ZNF461: variants seen among roughly 807,000 people sequenced by gnomAD.
ZNF461 encodes the protein gonadotropin-inducible ovarian transcription factor-1.
Under a neutral mutation model 18.3 loss-of-function variants are expected in ZNF461, and 16 were observed. The ratio of observed to expected loss-of-function variants is 0.88; its 90% CI spans 0.59 to 1.33. The LOEUF (loss-of-function observed/expected upper bound fraction) is 1.33. Ranked by LOEUF, ZNF461 falls within the 40% of genes most tolerant of loss-of-function variation. ZNF461 has a pLI of 0.00. For synonymous variants in ZNF461, 179 were observed against 216.9 expected (o/e 0.83, Z 1.54); for missense variants, 595 against 669.9 (o/e 0.89, Z 1.23).
intron 4 of ZNF461, among the ~76,000 whole-genome samples, chr19:36,655,767 C>T (rs1247473981): frequency 4.6e-5 from 7 of 152,104 alleles, no homozygotes; most frequent in Admixed American, 1.3e-4. Context: ...TGAAGCTTTT[C>T]TCCAATATTT....
intron 4 of ZNF461, among the ~76,000 whole-genome samples, chr19:36,649,445 C>A (rs2037587722): frequency 6.6e-6 from 1 of 152,128 alleles, no homozygotes; most frequent in Non-Finnish European, 1.5e-5. Flanking sequence ...ATTCTCCTGC[C>A]TCAGCTTCCT....
chr19:36,639,778 C>T lies in ZNF461; in HGVS notation c.567G>A (p.Glu189=), dbSNP rs779922738. ...TLLTQEFYDR[E]KISECKKCRK... ...TACACTTTTTACATTCAGAGATTTT[C>T]TCTCTATCATAAAATTCTTGAGTGA... The change falls in exon 6 of 6, where the codon GAG becomes GAA. Residue 189 remains glutamate (E), a synonymous_variant. Transcript: ENST00000588268. 1 of 1,613,534 alleles carries T rather than the reference C, an allele frequency of 6.2e-7. No homozygotes were observed.
At chr19:36,644,018 C>T (rs368619797) in intron 4 of ZNF461, among the ~76,000 whole-genome samples, 156 bp from the exon 5 acceptor site, 4 of 152,164 alleles carry the variant, frequency 2.6e-5, no homozygotes, top group Non-Finnish European at 5.9e-5. Flanking sequence ...CTGCAACCCC[C>T]GCCTACTGGG....
intron 4 of ZNF461, among the ~76,000 whole-genome samples, chr19:36,655,409 G>T (rs2037699548): frequency 6.6e-6 from 1 of 152,086 alleles, no homozygotes; most frequent in Admixed American, 6.5e-5. Context: ...GACCAGCCTG[G>T]GCAATACAGT....
At chr19:36,662,092 C>A (rs1342628166) in intron 2 of ZNF461, among the ~76,000 whole-genome samples, 1 of 152,082 alleles carries the variant, frequency 6.6e-6, no homozygotes, top group Non-Finnish European at 1.5e-5. Flanking sequence ...TGGTATCGAA[C>A]TCCCGACCTC....
chr19:36,639,942 T>C lies in ZNF461; in HGVS notation c.403A>G (p.Ser135Gly). The C allele has an allele frequency of 6.2e-7, 1 of 1,613,914 alleles. No homozygotes were observed. The highest frequency in any genetic ancestry group is 1.1e-5 in the South Asian group (1 of 91,080). ...GCGCTGAAAATTGATCTCTCAGGAC[T>C]ATGGCTTTTAAATTCTTCCATGTTA... ...WVNMEEFKSH[S>G]PERSIFSAIW... is the part of the protein sequence containing the mutation. The change falls in exon 6 of 6, where the codon AGT becomes GGT. Residue 135 changes from serine (S) to glycine (G), a missense_variant. Coordinates refer to ENST00000588268, the MANE Select transcript of ZNF461 (RefSeq NM_153257.5).
intron 2 of ZNF461, 39 bp downstream of exon 2, chr19:36,664,659 T>C: frequency 6.8e-7 from 1 of 1,476,738 alleles, no homozygotes; most frequent in Non-Finnish European, 9.0e-7. Flanking sequence ...AAACAAAAAA[T>C]CAAGTATTGT....
chr19:36,666,383 C>T (rs1042794603), intron 1 of ZNF461, among the ~76,000 whole-genome samples: 1 of 152,020 alleles, frequency 6.6e-6, no homozygotes, highest in East Asian at 1.9e-4. Context: ...GGTGAGCCAC[C>T]GCTCCCGGCC....
At position 36,637,952 on chromosome 19, in the gene ZNF461, A is replaced by T. The variant is rs1472678932; in HGVS notation, c.*701T>A. ...GCTTTTATTAAACAAAAAATTTAGA[A>T]GATTTTAAAAAATAAATGTAATGTC... On this transcript the variant is annotated 3_prime_UTR_variant, in exon 6 of 6. Transcript: ENST00000588268. The T allele has an allele frequency of 6.2e-6, 2 of 322,990 alleles. No homozygotes were observed. Among genetic ancestry groups the T allele is most frequent in the Non-Finnish European group, 1.2e-5 (2 of 163,758 alleles). The allele number at this position is 322,990 out of a possible 1,614,324, so 20.0% of individuals were successfully genotyped here. A position where few individuals can be genotyped will look rare whatever the true frequency, so the allele number is the denominator to read the frequency against.
intron 4 of ZNF461, among the ~76,000 whole-genome samples, chr19:36,649,202 C>T (rs2037581946): frequency 6.6e-6 from 1 of 152,144 alleles, no homozygotes; most frequent in Non-Finnish European, 1.5e-5. Context: ...GGAGAAAAGG[C>T]AATCAACTAA....
chr19:36,637,945 A>T lies in ZNF461; in HGVS notation c.*708T>A, dbSNP rs2037328508. On this transcript the variant is annotated 3_prime_UTR_variant, in exon 6 of 6. Coordinates refer to ENST00000588268, the MANE Select transcript of ZNF461 (RefSeq NM_153257.5). The stretch of plus-strand genomic sequence containing the variant: ...AATGTGTGCTTTTATTAAACAAAAA[A>T]TTTAGAAGATTTTAAAAAATAAATG... 3.1e-6 allele frequency: 1 copy of T among 322,380 alleles called. No individual in the cohort carries two copies. 20.0% of individuals were successfully genotyped at this position (322,380 alleles called of 1,614,324 possible). A position where few individuals can be genotyped will look rare whatever the true frequency, so the allele number is the denominator to read the frequency against.
intron 1 of ZNF461, among the ~76,000 whole-genome samples, chr19:36,665,114 C>T (rs2145422179): frequency 6.6e-6 from 1 of 151,964 alleles, no homozygotes; most frequent in African/African-American, 2.4e-5. Context: ...TAGATTTTCA[C>T]TGAATTAAGA....
rs1349589599 is a variant in ZNF461, at chr19:36,639,570, A to G, written c.775T>C (p.Ser259Pro). The change falls in exon 6 of 6, where the codon TCA becomes CCA. Residue 259 changes from serine to proline, a missense_variant. Ser to Pro is a moderately conservative substitution (Grantham distance 74, BLOSUM62 -1). Transcript: ENST00000588268. ...KECWKAFVHC[S>P]QLKHLRIHNG... is the part of the protein sequence containing the mutation. ...TGAATTCTTAGATGTTTAAGTTGTG[A>G]GCAATGAACAAAGGCCTTCCAACAT... is the stretch of plus-strand genomic sequence containing the variant. 1 of 1,612,938 alleles carries G rather than the reference A, an allele frequency of 6.2e-7. No homozygotes were observed. Among genetic ancestry groups the G allele is most frequent in the African/African-American group, 1.3e-5 (1 of 74,904 alleles).
In ZNF461 at chr19:36,639,611, C is replaced by G; in HGVS notation, c.734G>C (p.Cys245Ser). 7.4e-6 allele frequency: 12 copies of G among 1,613,360 alleles called. No individual in the cohort carries two copies. The highest frequency in any genetic ancestry group is 8.5e-6 in the Non-Finnish European group (10 of 1,179,510). The change falls in exon 6 of 6, where the codon TGC (cysteine) becomes TCC (serine). Residue 245 changes from cysteine to serine, a missense_variant. Transcript: ENST00000588268. ...KQQTIQNGDK[C>S]NECKECWKAF... ...CTTCCAACATTCTTTACACTCATTG[C>G]ATTTGTCACCATTTTGAATTGTCTG... is the stretch of plus-strand genomic sequence containing the variant.
chr19:36,655,337 T>G lies in ZNF461; in HGVS notation c.232+1111A>C, dbSNP rs758437901. On this transcript the variant is annotated intron_variant, in intron 4 of 5. Coordinates refer to ENST00000588268, the MANE Select transcript of ZNF461 (RefSeq NM_153257.5). Reference sequence around the variant, plus strand: ...CTAATAAGCAGGCTGGGCACAGTGGTGTATGCCTGTAATCCTAGCACTTTC... The same window carrying G: ...CTAATAAGCAGGCTGGGCACAGTGGGGTATGCCTGTAATCCTAGCACTTTC... 1.0e-3 allele frequency among the ~76,000 whole-genome samples: 152 copies of G among 152,194 alleles called. 1 individual carries two copies. Among genetic ancestry groups the G allele is most frequent in the Non-Finnish European group, 1.9e-3 (131 of 67,994 alleles).
Position 36,656,483 on chromosome 19 carries a change from A to G in ZNF461, c.197T>C (p.Met66Thr), listed in dbSNP as rs2145404937. The change falls in exon 4 of 6, where the codon ATG becomes ACG. Residue 66 changes from methionine (M) to threonine (T), a missense_variant. Coordinates refer to ENST00000588268, the MANE Select transcript of ZNF461 (RefSeq NM_153257.5). ...TCTTCCTGTCTCTTCCCTCACAACC[A>G]TCCAGGGCTCCTTCCCTTGCTCCAA... Reference protein sequence around the residue: ...SSLEQGKEPWMVVREETGRWC... With the variant: ...SSLEQGKEPWTVVREETGRWC... 6.2e-7 allele frequency: 1 copy of G among 1,614,146 alleles called. No homozygotes were observed. The highest frequency in any genetic ancestry group is 2.2e-5 in the East Asian group (1 of 44,872).
intron 2 of ZNF461, among the ~76,000 whole-genome samples, chr19:36,658,916 C>T (rs1394494952): frequency 6.6e-6 from 1 of 152,166 alleles, no homozygotes; most frequent in Non-Finnish European, 1.5e-5. Flanking sequence ...AAATATTCTT[C>T]TTCAGTGTAA....
chr19:36,644,640 G>A (rs1312972828), intron 4 of ZNF461, among the ~76,000 whole-genome samples: 3 of 151,724 alleles, frequency 2.0e-5, no homozygotes, highest in Non-Finnish European at 4.4e-5. Context: ...CTGTCACCCA[G>A]GCTGGAGTAC....
At position 36,637,498 on chromosome 19, in the gene ZNF461, C is replaced by T. The variant is rs1231130504; in HGVS notation, c.*1155G>A. 6.4e-6 allele frequency: 1 copy of T among 155,816 alleles called. No homozygotes were observed. Among genetic ancestry groups the T allele is most frequent in the African/African-American group, 2.4e-5 (1 of 41,556 alleles). 9.7% of individuals were successfully genotyped at this position (155,816 alleles called of 1,614,324 possible). A position where few individuals can be genotyped will look rare whatever the true frequency, so the allele number is the denominator to read the frequency against. On this transcript the variant is annotated 3_prime_UTR_variant, in exon 6 of 6. Coordinates refer to ENST00000588268, the MANE Select transcript of ZNF461 (RefSeq NM_153257.5). ...TACAGGCATGAGCCACCAAGCCTGG[C>T]CAATTTTGATAATTTTCATCCACAT...
Sources: allele counts gnomAD v4.1 joint callset (sites outside exome capture counted in the v4.1 genomes callset), GRCh38; gene constraint gnomAD v4.1.1; transcripts MANE v1.5; gene names NCBI Gene and HGNC (gene_info 2026-07-23, HGNC 2026-07-21).